The following OSBPL8 variants were observed in gnomAD, a reference collection of about 807,000 sequenced individuals.
OSBPL8 encodes oxysterol binding protein like 8.
In OSBPL8, 59 loss-of-function variants were observed where a neutral mutation model predicts 125.5. That is an observed-to-expected ratio of 0.47 (90% CI 0.38 to 0.58). The LOEUF (loss-of-function observed/expected upper bound fraction) is 0.58, where lower values mean the gene tolerates loss of function less well. Among genes scored for constraint, OSBPL8 ranks in the 20% least tolerant of loss-of-function variants. OSBPL8 has a pLI of 0.00. For synonymous variants in OSBPL8, 330 were observed against 338.9 expected, an observed-to-expected ratio of 0.97 and a Z score of 0.29; for missense variants, 758 against 1,047.8, an observed-to-expected ratio of 0.72 and a Z score of 3.82.
chr12:76,422,758 C>G, intron 4 of OSBPL8: 2 of 356,856 alleles, frequency 5.6e-6, no homozygotes, highest in Admixed American at 3.0e-5. Flanking sequence ...AACCCACCAG[C>G]ACAAACAAAG....
chr12:76,374,925 C>T (rs1396050263), intron 17 of OSBPL8, among the ~76,000 whole-genome samples: 1 of 152,134 alleles, frequency 6.6e-6, no homozygotes, highest in Non-Finnish European at 1.5e-5. Context: ...CAAGATGACA[C>T]ATATCTTCTG....
intron 3 of OSBPL8, among the ~76,000 whole-genome samples, chr12:76,452,042 G>A (rs1869554952): frequency 6.7e-6 from 1 of 149,438 alleles, no homozygotes; most frequent in Non-Finnish European, 1.5e-5. Flanking sequence ...GCTTGAACCT[G>A]GGGGGCAGAG....
chr12:76,466,787 C>T lies in OSBPL8; in HGVS notation c.43-6892G>A, dbSNP rs564337803. ...CAGCCTGGCCAACCTGGTGAAACGT[C>T]GTATCTACTAAAAATACAAAAAATT... On this transcript the variant is annotated intron_variant, in intron 2 of 23. Coordinates refer to ENST00000261183, the MANE Select transcript of OSBPL8 (RefSeq NM_020841.5). Among the ~76,000 whole-genome samples the T allele has an allele frequency of 2.0e-3, 299 of 152,030 alleles. 1 individual carries two copies. The highest frequency in any genetic ancestry group is 6.8e-3 in the African/African-American group (283 of 41,494).
At chr12:76,387,026 T>C (rs1953342750) in intron 12 of OSBPL8, among the ~76,000 whole-genome samples, 1 of 152,206 alleles carries the variant, frequency 6.6e-6, no homozygotes, top group Non-Finnish European at 1.5e-5. Flanking sequence ...ATTCAGGCAC[T>C]GTGTGATTTC....
intron 4 of OSBPL8, among the ~76,000 whole-genome samples, chr12:76,424,739 A>G (rs1012559042): frequency 2.6e-5 from 4 of 152,166 alleles, no homozygotes; most frequent in Admixed American, 1.3e-4. Flanking sequence ...TGATACACAA[A>G]GTCTTAAAAG....
At chr12:76,494,009 CCTCT>C (rs748215824) in intron 1 of OSBPL8, among the ~76,000 whole-genome samples, 5 of 152,088 alleles carry the variant, frequency 3.3e-5, no homozygotes. Flanking sequence ...ATTATTCCAA[CCTCT>C]CTGTTAAACT....
chr12:76,444,236 GCAAT>G (rs909173553), intron 4 of OSBPL8, among the ~76,000 whole-genome samples: 33 of 152,256 alleles, frequency 2.2e-4, no homozygotes, highest in African/African-American at 6.0e-4. Flanking sequence ...TTGATGGTAA[GCAAT>G]CATTCATTTA....
chr12:76,513,361 C>T lies in OSBPL8; in HGVS notation c.-67-25743G>A, dbSNP rs187370587. Among the ~76,000 whole-genome samples the T allele has an allele frequency of 3.3e-4, 50 of 152,280 alleles. 1 individual carries two copies. Among genetic ancestry groups the T allele is most frequent in the Middle Eastern group, 6.8e-3 (2 of 294 alleles). ...TTATATCCAATTATGTGATTGCTTT[C>T]GGAGTATGTTCCATGTGGAGATAAG... On this transcript the variant is annotated intron_variant, in intron 1 of 23. Coordinates refer to ENST00000261183, the MANE Select transcript of OSBPL8 (RefSeq NM_020841.5).
intron 21 of OSBPL8, 107 bp from the exon 22 acceptor site, chr12:76,358,918 TAA>T: frequency 1.3e-6 from 1 of 777,382 alleles, no homozygotes; most frequent in South Asian, 1.6e-5. Context: ...TATTCAGAAA[TAA>T]AGACAATGAT....
At chr12:76,430,184 C>T (rs1374605857) in intron 4 of OSBPL8, among the ~76,000 whole-genome samples, 1 of 152,166 alleles carries the variant, frequency 6.6e-6, no homozygotes, top group Non-Finnish European at 1.5e-5. Context: ...ACAGAATTGA[C>T]TGAGGCCCTT....
intron 2 of OSBPL8, among the ~76,000 whole-genome samples, chr12:76,476,079 TC>T (rs1876772024): frequency 6.6e-6 from 1 of 152,042 alleles, no homozygotes; most frequent in Admixed American, 6.6e-5. Flanking sequence ...AAAGAAAAGT[TC>T]CCTAAGAAAC....
intron 5 of OSBPL8, among the ~76,000 whole-genome samples, chr12:76,405,362 G>A (rs1171327983): frequency 6.6e-6 from 1 of 152,106 alleles, no homozygotes; most frequent in Non-Finnish European, 1.5e-5. Flanking sequence ...GGGAGGTTGA[G>A]ACAGGAGAAT....
chr12:76,356,521 G>A, intron 23 of OSBPL8, 105 bp downstream of exon 23: 1 of 694,482 alleles, frequency 1.4e-6, no homozygotes, highest in African/African-American at 1.8e-5. Flanking sequence ...TTTTAGCTTA[G>A]CTAAATGTTA....
chr12:76,474,958 T>C (rs1166520316), intron 2 of OSBPL8, among the ~76,000 whole-genome samples: 1 of 152,182 alleles, frequency 6.6e-6, no homozygotes, highest in Non-Finnish European at 1.5e-5. Flanking sequence ...AATGAAAACC[T>C]ACTAAGCTGA....
intron 15 of OSBPL8, among the ~76,000 whole-genome samples, chr12:76,383,977 A>G (rs958647570): frequency 6.6e-6 from 1 of 152,220 alleles, no homozygotes; most frequent in African/African-American, 2.4e-5. Flanking sequence ...TGGCCAGACT[A>G]AAGGCAAAAG....
rs545360750 is a variant in OSBPL8, at chr12:76,531,800, A to G, written c.-68+27597T>C. 3.9e-5 allele frequency among the ~76,000 whole-genome samples: 6 copies of G among 152,144 alleles called. No homozygotes were observed. The South Asian group carries it at 1.0e-3, about 26-fold the overall frequency. On this transcript the variant is annotated intron_variant, in intron 1 of 23. Transcript: ENST00000261183. ...CGCCTGTAATCCCAGCACTTTGGGA[A>G]GCCGAGGCAGGCAGATCACGAGGTC... is the stretch of plus-strand genomic sequence containing the variant.
At chr12:76,555,430 C>G (rs1159703227) in intron 1 of OSBPL8, among the ~76,000 whole-genome samples, 1 of 152,104 alleles carries the variant, frequency 6.6e-6, no homozygotes, top group Non-Finnish European at 1.5e-5. Context: ...AATTTTGATT[C>G]TGATCAATTT....
intron 4 of OSBPL8, 145 bp from the exon 5 acceptor site, chr12:76,410,779 G>T (rs1954482793): frequency 3.4e-6 from 2 of 580,564 alleles, no homozygotes; most frequent in Admixed American, 3.0e-5. Context: ...TCTCTAGAGG[G>T]TCATATCTAG....
chr12:76,382,601 G>A (rs886355275), intron 15 of OSBPL8, among the ~76,000 whole-genome samples: 10 of 152,148 alleles, frequency 6.6e-5, no homozygotes, highest in African/African-American at 2.2e-4. Context: ...TGTCACAGTC[G>A]GCTGGGTGCA....
Sources: gnomAD v4.1 joint callset for allele counts (sites outside exome capture counted in the v4.1 genomes callset) on GRCh38, gnomAD v4.1.1 for gene constraint, MANE v1.5 for transcripts, NCBI Gene and HGNC (gene_info 2026-07-23, HGNC 2026-07-21) for gene names.